The following ABCB1 variants were observed in gnomAD, a reference collection of about 807,000 sequenced individuals.
ABCB1 encodes the protein ATP-dependent translocase ABCB1.
ABCB1 carries 69 observed loss-of-function variants against 142.0 expected under a neutral mutation model. That is an observed-to-expected ratio of 0.49 (90% confidence interval 0.40 to 0.59). The LOEUF is 0.59. Ranked by LOEUF, ABCB1 falls within the 20% of genes least tolerant of loss-of-function variation. The probability of loss-of-function intolerance (pLI) is 0.00; values close to 1 mark genes in which losing one functional copy is unlikely to be tolerated. For synonymous variants in ABCB1, 532 were observed against 539.2 expected, an observed-to-expected ratio of 0.99 and a Z score of 0.18; for missense variants, 1,326 against 1,554.7, an observed-to-expected ratio of 0.85 and a Z score of 2.47.
intron 4 of ABCB1, among the ~76,000 whole-genome samples, chr7:87,577,215 A>G (rs917376194): frequency 1.3e-5 from 2 of 152,128 alleles, no homozygotes; most frequent in Non-Finnish European, 2.9e-5. Context: ...AATCTCCTCC[A>G]GTTCCATTTT....
chr7:87,533,339 C>A (rs1816145467), intron 20 of ABCB1, among the ~76,000 whole-genome samples: 1 of 152,098 alleles, frequency 6.6e-6, no homozygotes, highest in African/African-American at 2.4e-5. Context: ...CCTAGAATCA[C>A]TTCTAGGTGT....
Position 87,515,326 on chromosome 7 carries a change from C to A in ABCB1, c.3187G>T (p.Gly1063Cys), listed in dbSNP as rs761914266. The A allele has an allele frequency of 6.2e-7, 1 of 1,614,164 alleles. No homozygotes were observed. The highest frequency in any genetic ancestry group is 1.1e-5 in the South Asian group (1 of 91,080). Residue 1063 changes from glycine to cysteine, a missense_variant, in exon 25 of 28, where the codon GGC becomes TGC. By Grantham distance (159) the Gly-to-Cys change is radical (BLOSUM62 -3). Coordinates refer to ENST00000622132, the MANE Select transcript of ABCB1 (RefSeq NM_001348946.2). ...LQGLSLEVKK[G>C]QTLALVGSSG... ...CTGCCCACCAGAGCCAGCGTCTGGCCCTTCTTCACCTCCAGGCTCAGTCCC... is the reference window on the plus strand; with the variant it reads ...CTGCCCACCAGAGCCAGCGTCTGGCACTTCTTCACCTCCAGGCTCAGTCCC...
intron 4 of ABCB1, among the ~76,000 whole-genome samples, chr7:87,576,033 T>C (rs939306237): frequency 1.3e-5 from 2 of 152,132 alleles, no homozygotes; most frequent in Non-Finnish European, 2.9e-5. Context: ...GTCTATAAAT[T>C]ATGGGTTCAG....
At chr7:87,583,766 T>C (rs183064668) in intron 4 of ABCB1, among the ~76,000 whole-genome samples, 60 of 152,304 alleles carry the variant, frequency 3.9e-4, no homozygotes, top group Non-Finnish European at 7.4e-4. Context: ...ATAAACTGTA[T>C]GTATTAACAT....
intron 3 of ABCB1, among the ~76,000 whole-genome samples, chr7:87,589,805 G>GGA (rs370840500): frequency 0.034 from 3,603 of 105,286 alleles, 75 homozygotes; most frequent in Admixed American, 0.072. Flanking sequence ...GAGAGAGAGA[G>GGA]GAGAGAGAGA....
At chr7:87,589,038 G>A (rs1031301012) in intron 3 of ABCB1, among the ~76,000 whole-genome samples, 2 of 152,090 alleles carry the variant, frequency 1.3e-5, no homozygotes, top group Non-Finnish European at 1.5e-5. Context: ...ATAAATGCTA[G>A]AACCTCATAT....
At chr7:87,632,285 A>G (rs1418027650) in intron 1 of ABCB1, among the ~76,000 whole-genome samples, 1 of 152,200 alleles carries the variant, frequency 6.6e-6, no homozygotes, top group East Asian at 1.9e-4. Context: ...AGTGCAATAT[A>G]TAGTTTTGAG....
At chr7:87,620,491 G>T (rs1820185948) in intron 1 of ABCB1, among the ~76,000 whole-genome samples, 1 of 151,180 alleles carries the variant, frequency 6.6e-6, no homozygotes, top group Admixed American at 6.6e-5. Flanking sequence ...CTTCAATAGG[G>T]TTTTTTTTTC....
At chr7:87,553,542 G>A (rs370085627) in intron 9 of ABCB1, among the ~76,000 whole-genome samples, 16 of 151,914 alleles carry the variant, frequency 1.1e-4, no homozygotes, top group Non-Finnish European at 1.9e-4. Flanking sequence ...GGATGGTCTC[G>A]ATCTCCTGAC....
intron 1 of ABCB1, among the ~76,000 whole-genome samples, chr7:87,671,279 G>A (rs1319490627): frequency 6.6e-6 from 1 of 152,120 alleles, no homozygotes; most frequent in Non-Finnish European, 1.5e-5. Flanking sequence ...CTCTCTTATT[G>A]GTCCGGCAAG....
intron 1 of ABCB1, among the ~76,000 whole-genome samples, chr7:87,611,913 G>T (rs1819867944): frequency 6.6e-6 from 1 of 152,024 alleles, no homozygotes; most frequent in Admixed American, 6.6e-5. Flanking sequence ...TAGAGCAATT[G>T]CACTGAGCAT....
At chr7:87,639,964 T>C (rs911119417) in intron 1 of ABCB1, among the ~76,000 whole-genome samples, 4 of 151,446 alleles carry the variant, frequency 2.6e-5, no homozygotes, top group African/African-American at 9.7e-5. Context: ...CCTTCTTAAA[T>C]ATTAATATTT....
rs1814914105 is a variant in ABCB1 at position 87,509,553 on chromosome 7, T to G, written c.3283-72A>C. On this transcript the variant is annotated intron_variant, in intron 25 of 27. Coordinates refer to ENST00000622132, the MANE Select transcript of ABCB1 (RefSeq NM_001348946.2). ...AATGTAGCACAATTAACATCATTAT[T>G]TCTTACACTGAAACTGCCAAGTTAC... is the stretch of plus-strand genomic sequence containing the variant. The G allele has an allele frequency of 2.7e-6, 4 of 1,488,956 alleles. No individual in the cohort carries two copies. In the East Asian group the frequency reaches 9.1e-5, roughly 34 times the overall value. 92.2% of individuals were successfully genotyped at this position (1,488,956 alleles called of 1,614,324 possible). A position where few individuals can be genotyped will look rare whatever the true frequency, so the allele number is the denominator to read the frequency against.
At chr7:87,606,520 C>A (rs1166615063) in intron 1 of ABCB1, among the ~76,000 whole-genome samples, 1 of 151,978 alleles carries the variant, frequency 6.6e-6, no homozygotes, top group Non-Finnish European at 1.5e-5. Context: ...GAATACTTAA[C>A]CACATATATA....
chr7:87,674,093 A>T (rs940912870), intron 1 of ABCB1, among the ~76,000 whole-genome samples: 1 of 152,128 alleles, frequency 6.6e-6, no homozygotes, highest in Non-Finnish European at 1.5e-5. Flanking sequence ...GGAAGGGCCA[A>T]GGTGTTTTCA....
chr7:87,662,853 T>C (rs1440108665), intron 1 of ABCB1, among the ~76,000 whole-genome samples: 3 of 152,162 alleles, frequency 2.0e-5, no homozygotes, highest in Non-Finnish European at 4.4e-5. Flanking sequence ...AGTATGGGCA[T>C]TTTAACAATA....
chr7:87,581,619 C>A (rs1160809084), intron 4 of ABCB1, among the ~76,000 whole-genome samples: 1 of 152,110 alleles, frequency 6.6e-6, no homozygotes, highest in Non-Finnish European at 1.5e-5. Flanking sequence ...AACAGCAGAA[C>A]AAAAGCTGAT....
At chr7:87,505,005 C>T (rs1584825271) in intron 27 of ABCB1, among the ~76,000 whole-genome samples, 1 of 152,002 alleles carries the variant, frequency 6.6e-6, no homozygotes, top group South Asian at 2.1e-4. Flanking sequence ...CACTCTGTCA[C>T]CAGGGTGGAG....
At chr7:87,626,553 A>G (rs182493402) in intron 1 of ABCB1, among the ~76,000 whole-genome samples, 7 of 16,740 alleles carry the variant, frequency 4.2e-4, no homozygotes, top group African/African-American at 1.2e-3. Flanking sequence ...TGTCATATAT[A>G]TGTGTCATAT....
Sources: allele counts gnomAD v4.1 joint callset (sites outside exome capture counted in the v4.1 genomes callset), GRCh38; gene constraint gnomAD v4.1.1; transcripts MANE v1.5; gene names NCBI Gene and HGNC (gene_info 2026-07-23, HGNC 2026-07-21).